ADGRL2: variants seen among roughly 807,000 people sequenced by gnomAD.
ADGRL2 encodes calcium-independent alpha-latrotoxin receptor 2.
ADGRL2 carries 44 observed loss-of-function variants against 157.4 expected under a neutral mutation model. The observed-to-expected ratio is 0.28, with a 90% confidence interval of 0.22 to 0.36. The LOEUF (loss-of-function observed/expected upper bound fraction) is 0.36. ADGRL2 is among the 10% of genes least tolerant of loss of function. The probability of loss-of-function intolerance (pLI) is 1.00; values close to 1 mark genes in which losing one functional copy is unlikely to be tolerated. For synonymous variants in ADGRL2, 585 were observed against 624.7 expected (o/e 0.94, Z 0.95); for missense variants, 1,510 against 1,768.9 (o/e 0.85, Z 2.63).
intron 1 of ADGRL2, among the ~76,000 whole-genome samples, chr1:81,322,587 C>T (rs1407196534): frequency 6.6e-6 from 1 of 152,050 alleles, no homozygotes; most frequent in African/African-American, 2.4e-5. Context: ...GATTAATAGA[C>T]ATTGTAAAAA....
chr1:81,706,469 C>T (rs1374750495), intron 1 of ADGRL2, among the ~76,000 whole-genome samples: 1 of 152,060 alleles, frequency 6.6e-6, no homozygotes, highest in Non-Finnish European at 1.5e-5. Context: ...TTTTAGGTGC[C>T]AGAGCTTGTC....
chr1:81,466,501 C>CT (rs1220885350), intron 2 of ADGRL2, among the ~76,000 whole-genome samples: 1 of 152,152 alleles, frequency 6.6e-6, no homozygotes, highest in Non-Finnish European at 1.5e-5. Flanking sequence ...GATTTCATCT[C>CT]TATTGTGCCT....
In ADGRL2 at chr1:81,770,409, C is replaced by A. The variant is rs575009835; in HGVS notation, c.-101+8557C>A. 5.3e-5 allele frequency among the ~76,000 whole-genome samples: 8 copies of A among 152,166 alleles called. No individual in the cohort carries two copies. In the South Asian group the frequency reaches 1.7e-3, roughly 32 times the overall value. ...AACTCCTAGCCCTGTAATTCGCCCG[C>A]CTTGGCCTCTCAAAGTGCTGGGATT... On this transcript the variant is annotated intron_variant, in intron 2 of 20. Coordinates refer to the ADGRL2 transcript ENST00000359929.
At chr1:81,982,643 A>T (rs1320062904) in intron 19 of ADGRL2, among the ~76,000 whole-genome samples, 1 of 151,890 alleles carries the variant, frequency 6.6e-6, no homozygotes, top group Admixed American at 6.6e-5. Context: ...TTATTCTGTT[A>T]TTACTAGTTG....
chr1:81,793,387 A>G (rs991527792), intron 2 of ADGRL2, among the ~76,000 whole-genome samples: 3 of 152,140 alleles, frequency 2.0e-5, no homozygotes, highest in African/African-American at 7.2e-5. Context: ...GTAAATCTAG[A>G]GCAAATTAGA....
chr1:81,361,898 C>A (rs936209171), intron 1 of ADGRL2, among the ~76,000 whole-genome samples: 1 of 151,746 alleles, frequency 6.6e-6, no homozygotes, highest in Admixed American at 6.6e-5. Flanking sequence ...TTTTTCCTCC[C>A]CCATTCAATA....
chr1:81,742,679 T>A (rs1415994253), intron 1 of ADGRL2, among the ~76,000 whole-genome samples: 1 of 152,086 alleles, frequency 6.6e-6, no homozygotes, highest in African/African-American at 2.4e-5. Flanking sequence ...GTTATTATCA[T>A]TCCAGCCCCT....
At chr1:81,455,812 T>C (rs1416646272) in intron 2 of ADGRL2, among the ~76,000 whole-genome samples, 1 of 152,072 alleles carries the variant, frequency 6.6e-6, no homozygotes, top group African/African-American at 2.4e-5. Context: ...GGAGTTAGAG[T>C]GGTGATTTTA....
At chr1:81,362,413 A>G (rs931000817) in intron 1 of ADGRL2, among the ~76,000 whole-genome samples, 2 of 151,334 alleles carry the variant, frequency 1.3e-5, no homozygotes, top group Non-Finnish European at 1.5e-5. Flanking sequence ...TTCTTTGACT[A>G]TCAGAAAGCT....
At position 81,774,159 on chromosome 1, in the gene ADGRL2, T is replaced by A. The variant is rs535474910; in HGVS notation, c.-101+12307T>A. Among the ~76,000 whole-genome samples, 34 of 152,312 alleles carry A rather than the reference T, an allele frequency of 2.2e-4. No individual in the cohort carries two copies. The South Asian group carries it at 6.4e-3, about 29-fold the overall frequency. ...TGGCAGCCCTAGCAAATGACTACAT[T>A]AAGTTATATGTATTCACCTTACTCA... On this transcript the variant is annotated intron_variant, in intron 2 of 20. Coordinates refer to the ADGRL2 transcript ENST00000359929.
At position 81,943,704 on chromosome 1, in the gene ADGRL2, A is replaced by G; in HGVS notation, c.1145A>G (p.Tyr382Cys). ...TACAATCCAAGAGATAACCAACTTT[A>G]CGTGTGGAACAATAACTTCATTTTA... Reference protein sequence around the residue: ...VDYNPRDNQLYVWNNNFILRY... With the variant: ...VDYNPRDNQLCVWNNNFILRY... Residue 382 changes from tyrosine (Y) to cysteine (C), a missense_variant, in exon 6 of 24, where the codon TAC becomes TGC. Physicochemically the swap from Tyr to Cys is radical, Grantham distance 194. Transcript: ENST00000686636. The surrounding 1 kb of genome is among the most constrained non-coding windows in gnomAD (Gnocchi z 5.6). The G allele has an allele frequency of 6.2e-7, 1 of 1,613,604 alleles. No homozygotes were observed. Among genetic ancestry groups the G allele is most frequent in the Non-Finnish European group, 8.5e-7 (1 of 1,179,622 alleles).
intron 2 of ADGRL2, among the ~76,000 whole-genome samples, chr1:81,497,394 T>A (rs953813967): frequency 1.3e-5 from 2 of 152,104 alleles, no homozygotes; most frequent in African/African-American, 2.4e-5. Context: ...CATGTTGCTA[T>A]GGTTTTTTTT....
chr1:81,748,014 T>G (rs1180100315), intron 1 of ADGRL2, among the ~76,000 whole-genome samples: 1 of 152,150 alleles, frequency 6.6e-6, no homozygotes. Flanking sequence ...CTTTTACAGA[T>G]GGATGCTACT....
At chr1:81,597,136 G>T (rs184914005) in intron 3 of ADGRL2, among the ~76,000 whole-genome samples, 8 of 152,266 alleles carry the variant, frequency 5.3e-5, no homozygotes, top group African/African-American at 1.9e-4. Context: ...AAAGCCAGTC[G>T]TCTCTTCTCT....
At chr1:81,616,679 C>CTTTTTTTTTTT (rs1164087131) in intron 3 of ADGRL2, among the ~76,000 whole-genome samples, 28 of 105,952 alleles carry the variant, frequency 2.6e-4, no homozygotes, top group Non-Finnish European at 3.3e-4. Flanking sequence ...CTTTTCTTTT[C>CTTTTTTTTTTT]TTTTTTTTTT....
intron 2 of ADGRL2, among the ~76,000 whole-genome samples, chr1:81,534,273 T>C (rs1324691284): frequency 6.6e-6 from 1 of 152,322 alleles, no homozygotes; most frequent in Non-Finnish European, 1.5e-5. Context: ...GTGATTCTCC[T>C]GCTTCAGCCT....
chr1:81,747,073 T>C lies in ADGRL2; in HGVS notation c.-142-14738T>C, dbSNP rs142211320. Among the ~76,000 whole-genome samples the C allele has an allele frequency of 3.8e-3, 558 of 146,984 alleles. 3 individuals carry two copies. The highest frequency in any genetic ancestry group is 0.018 in the East Asian group (88 of 4,980). ...ATACGTATATACACATGTGTATATATGTATATATGTGTATATACGTAATAT... is the reference window on the plus strand; with the variant it reads ...ATACGTATATACACATGTGTATATACGTATATATGTGTATATACGTAATAT... On this transcript the variant is annotated intron_variant, in intron 1 of 20. Coordinates refer to the ADGRL2 transcript ENST00000359929.
At chr1:81,975,457 A>G (rs1659943074) in intron 17 of ADGRL2, among the ~76,000 whole-genome samples, 1 of 152,154 alleles carries the variant, frequency 6.6e-6, no homozygotes, top group African/African-American at 2.4e-5. Context: ...TCAAGGGAGA[A>G]GAGCAGCAAT....
At chr1:81,705,196 C>A (rs1386138208) in intron 1 of ADGRL2, among the ~76,000 whole-genome samples, 1 of 152,154 alleles carries the variant, frequency 6.6e-6, no homozygotes, top group Non-Finnish European at 1.5e-5. Context: ...GGATTACAGG[C>A]ATCCGCCACC....
Sources: allele counts gnomAD v4.1 joint callset (sites outside exome capture counted in the v4.1 genomes callset), GRCh38; gene constraint gnomAD v4.1.1; non-coding constraint Gnocchi (gnomAD v3.1); transcripts MANE v1.5; gene names NCBI Gene and HGNC (gene_info 2026-07-23, HGNC 2026-07-21).